The following TSHZ2 variants were observed in gnomAD, a reference collection of about 807,000 sequenced individuals.
The protein encoded by TSHZ2 is teashirt homolog 2.
A neutral mutation model predicts 74.4 loss-of-function variants in TSHZ2; 21 were observed. The ratio of observed to expected loss-of-function variants is 0.28; its 90% CI spans 0.20 to 0.41. The LOEUF (loss-of-function observed/expected upper bound fraction) is 0.41. TSHZ2 is among the 10% of genes least tolerant of loss of function. The pLI, the probability that TSHZ2 is intolerant of heterozygous loss-of-function variation, is 1.00. For synonymous variants in TSHZ2, 540 were observed against 515.3 expected (o/e 1.05, Z -0.65); for missense variants, 1,244 against 1,293.5 (o/e 0.96, Z 0.59).
chr20:53,162,731 G>A (rs1262344230), intron 1 of TSHZ2, among the ~76,000 whole-genome samples: 1 of 152,156 alleles, frequency 6.6e-6, no homozygotes, highest in Non-Finnish European at 1.5e-5. Flanking sequence ...TGGGTATAGA[G>A]GCAGAGATGT....
intron 1 of TSHZ2, among the ~76,000 whole-genome samples, chr20:53,093,790 A>G (rs993179141): frequency 6.6e-6 from 1 of 152,216 alleles, no homozygotes; most frequent in Non-Finnish European, 1.5e-5. Context: ...TAGACACTCA[A>G]TAAACACATG....
intron 1 of TSHZ2, among the ~76,000 whole-genome samples, chr20:53,134,222 G>A (rs966907511): frequency 3.3e-5 from 5 of 152,084 alleles, no homozygotes; most frequent in South Asian, 2.1e-4. Flanking sequence ...ACCCCAGAAT[G>A]TTCTAACAAT....
chr20:53,242,703 T>C (rs1415322210), intron 1 of TSHZ2, among the ~76,000 whole-genome samples: 1 of 152,204 alleles, frequency 6.6e-6, no homozygotes, highest in African/African-American at 2.4e-5. Flanking sequence ...AGATACCTTG[T>C]TGTTGTTCTC....
intron 2 of TSHZ2, among the ~76,000 whole-genome samples, chr20:53,338,441 G>GGA (rs1170522905): frequency 6.6e-6 from 1 of 152,196 alleles, no homozygotes; most frequent in Non-Finnish European, 1.5e-5. Flanking sequence ...TCTTCCAAAA[G>GGA]GAGTAATTCA....
chr20:53,312,292 C>T (rs1045529053), intron 2 of TSHZ2, among the ~76,000 whole-genome samples: 1 of 152,140 alleles, frequency 6.6e-6, no homozygotes, highest in African/African-American at 2.4e-5. Flanking sequence ...GACGTGGAGA[C>T]ATTGTAACGG....
chr20:53,073,430 A>G (rs1985260473), intron 1 of TSHZ2, among the ~76,000 whole-genome samples: 1 of 150,494 alleles, frequency 6.6e-6, no homozygotes, highest in African/African-American at 2.5e-5. Context: ...TCATTCATCT[A>G]TCCCTCCATC....
At chr20:53,237,450 G>A (rs1056174547) in intron 1 of TSHZ2, among the ~76,000 whole-genome samples, 6 of 152,034 alleles carry the variant, frequency 3.9e-5, no homozygotes, top group Non-Finnish European at 8.8e-5. Context: ...ATTTGTGCAA[G>A]ATGATATTGA....
At chr20:53,205,287 T>A (rs1197040216) in intron 1 of TSHZ2, among the ~76,000 whole-genome samples, 1 of 152,210 alleles carries the variant, frequency 6.6e-6, no homozygotes, top group Non-Finnish European at 1.5e-5. Flanking sequence ...CGCCTAAGCT[T>A]AAAATAGCAT....
chr20:52,977,419 AAT>A (rs1395346639), intron 1 of TSHZ2, among the ~76,000 whole-genome samples: 9 of 100,506 alleles, frequency 9.0e-5, no homozygotes, highest in Non-Finnish European at 1.2e-4. Flanking sequence ...TGAATGGAAA[AAT>A]ACACACACAC....
intron 1 of TSHZ2, among the ~76,000 whole-genome samples, chr20:53,108,681 C>T (rs1304335953): frequency 2.0e-5 from 3 of 152,120 alleles, no homozygotes; most frequent in Non-Finnish European, 2.9e-5. Context: ...AATAATCCAT[C>T]CTTGGTTTAT....
chr20:53,166,904 G>A (rs750773965), intron 1 of TSHZ2, among the ~76,000 whole-genome samples: 17 of 152,188 alleles, frequency 1.1e-4, no homozygotes, highest in South Asian at 2.1e-4. Flanking sequence ...AATCTCAGAT[G>A]CTGCTAAGTA....
intron 2 of TSHZ2, among the ~76,000 whole-genome samples, chr20:53,479,047 C>A (rs145503224): frequency 0.015 from 2,270 of 152,068 alleles, 27 homozygotes; most frequent in Non-Finnish European, 0.024. Flanking sequence ...TGCCTGTAAT[C>A]CCAGCTACTC....
At chr20:53,084,894 G>A (rs528376634) in intron 1 of TSHZ2, among the ~76,000 whole-genome samples, 23 of 151,936 alleles carry the variant, frequency 1.5e-4, no homozygotes, top group African/African-American at 4.3e-4. Flanking sequence ...AAGATGCTTG[G>A]GTTTTTTCTG....
chr20:53,177,624 T>G (rs1412312596), intron 1 of TSHZ2, among the ~76,000 whole-genome samples: 2 of 152,220 alleles, frequency 1.3e-5, no homozygotes, highest in Non-Finnish European at 2.9e-5. Flanking sequence ...TAAAAAGATA[T>G]TAAAAATTAT....
Position 53,149,661 on chromosome 20 carries a change from A to G in TSHZ2, c.41-103838A>G, listed in dbSNP as rs188755275. On this transcript the variant is annotated intron_variant, in intron 1 of 2. Transcript: ENST00000371497. ...ATAGCACTTCTTCTCATCACATATT[A>G]TGTAGGGCATGGAGACAGACTTGGT... Among the ~76,000 whole-genome samples the G allele has an allele frequency of 6.1e-4, 93 of 152,310 alleles. No homozygotes were observed. In the Middle Eastern group the frequency reaches 0.017, roughly 28 times the overall value.
intron 2 of TSHZ2, among the ~76,000 whole-genome samples, chr20:53,433,586 C>CACACACACACAG (rs1555864607): frequency 1.9e-5 from 2 of 107,908 alleles, no homozygotes; most frequent in African/African-American, 5.8e-5. Flanking sequence ...GACACACAGA[C>CACACACACACAG]ACACACACAC....
intron 1 of TSHZ2, among the ~76,000 whole-genome samples, chr20:53,025,788 A>AG (rs1329861064): frequency 6.6e-6 from 1 of 152,208 alleles, no homozygotes; most frequent in Non-Finnish European, 1.5e-5. Flanking sequence ...AGGCCCCCAA[A>AG]GGGAGACTTA....
At chr20:53,472,361 G>A (rs1985835823) in intron 2 of TSHZ2, among the ~76,000 whole-genome samples, 2 of 152,280 alleles carry the variant, frequency 1.3e-5, no homozygotes, top group South Asian at 4.1e-4. Context: ...ATGCGAGGGA[G>A]GAGTGAGGGC....
At chr20:53,342,449 C>T (rs200618) in intron 2 of TSHZ2, among the ~76,000 whole-genome samples, 65,005 of 151,838 alleles carry the variant, frequency 0.43, 14,450 homozygotes, top group African/African-American at 0.5. Context: ...CGCTTACGTC[C>T]GGTATAACCA....
Sources: gnomAD v4.1 joint callset for allele counts (sites outside exome capture counted in the v4.1 genomes callset) on GRCh38, gnomAD v4.1.1 for gene constraint, MANE v1.5 for transcripts, NCBI Gene and HGNC (gene_info 2026-07-23, HGNC 2026-07-21) for gene names.